Variants in HSD17B12 observed in about 807,000 individuals in gnomAD.
The protein encoded by HSD17B12 is hydroxysteroid 17-beta dehydrogenase 12, also known as very-long-chain 3-oxoacyl-CoA reductase.
Under a neutral mutation model 39.3 loss-of-function variants are expected in HSD17B12, and 32 were observed. The ratio of observed to expected loss-of-function variants is 0.81; its 90% confidence interval spans 0.61 to 1.09. HSD17B12 has a LOEUF of 1.09. HSD17B12 is among the 50% of genes least tolerant of loss of function. The probability of loss-of-function intolerance (pLI) is 0.00; values close to 1 mark genes in which losing one functional copy is unlikely to be tolerated. For synonymous variants in HSD17B12, 150 were observed against 146.7 expected (o/e 1.02, Z -0.16); for missense variants, 342 against 382.9 (o/e 0.89, Z 0.89).
intron 1 of HSD17B12, among the ~76,000 whole-genome samples, chr11:43,738,074 AAAT>A (rs1350401442): frequency 2.6e-5 from 4 of 151,794 alleles, no homozygotes; most frequent in African/African-American, 9.7e-5. Flanking sequence ...AAAAAAAAAA[AAAT>A]AGTGAACTCT....
At chr11:43,664,669 C>T in the HSD17B12 span, among the ~76,000 whole-genome samples, 1,381 of 152,322 alleles carry the variant, frequency 9.1e-3, 24 homozygotes, top group African/African-American at 0.031. Flanking sequence ...GAGCCTGGAA[C>T]TTCCCTTGAA....
At chr11:43,774,956 T>C (rs1239997128) in intron 3 of HSD17B12, among the ~76,000 whole-genome samples, 1 of 152,206 alleles carries the variant, frequency 6.6e-6, no homozygotes, top group Non-Finnish European at 1.5e-5. Context: ...ATCAGTTGAC[T>C]TTGAGTTAGC....
chr11:43,561,386 G>C, the HSD17B12 span, among the ~76,000 whole-genome samples: 100 of 152,164 alleles, frequency 6.6e-4, 1 homozygote, highest in South Asian at 0.016. Flanking sequence ...ATGTTTAAAG[G>C]GTCTAGAGGA....
At chr11:43,716,567 A>G (rs979770512) in intron 1 of HSD17B12, among the ~76,000 whole-genome samples, 3 of 151,944 alleles carry the variant, frequency 2.0e-5, no homozygotes, top group African/African-American at 2.4e-5. Context: ...CTTATTGATC[A>G]CTTACTATTG....
intron 1 of HSD17B12, among the ~76,000 whole-genome samples, chr11:43,727,649 A>G (rs7928422): frequency 0.38 from 57,546 of 151,998 alleles, 11,528 homozygotes; most frequent in East Asian, 0.73. Flanking sequence ...ATAAATTCCC[A>G]TCATAGTACA....
chr11:43,711,810 G>A (rs1950069043), intron 1 of HSD17B12, among the ~76,000 whole-genome samples: 7 of 152,112 alleles, frequency 4.6e-5, no homozygotes, highest in Admixed American at 4.6e-4. Flanking sequence ...AAAATTTTCA[G>A]ACTTTTCAGA....
the HSD17B12 span, among the ~76,000 whole-genome samples, chr11:43,665,352 G>A: frequency 6.6e-6 from 1 of 152,136 alleles, no homozygotes; most frequent in African/African-American, 2.4e-5. Context: ...CTGAGTAGCT[G>A]GGACTGCAGG....
chr11:43,719,233 C>T, intron 1 of HSD17B12: 1 of 598,336 alleles, frequency 1.7e-6, no homozygotes, highest in South Asian at 1.7e-5. Context: ...GCTGGGAGGC[C>T]ATATACAGGC....
chr11:43,830,895 T>C (rs1044248247), intron 6 of HSD17B12, 81 bp from the exon 7 acceptor site: 1 of 1,101,170 alleles, frequency 9.1e-7, no homozygotes, highest in East Asian at 2.4e-5. Context: ...CCCTTCTTTT[T>C]AGTGTGGGTG....
intron 4 of HSD17B12, among the ~76,000 whole-genome samples, chr11:43,811,871 C>T (rs1462355544): frequency 6.6e-6 from 1 of 152,122 alleles, no homozygotes. Flanking sequence ...CCCTCACCCA[C>T]CCACACACAC....
Position 43,854,854 on chromosome 11 carries a change from A to G in HSD17B12, c.824A>G (p.His275Arg). The stretch of plus-strand genomic sequence containing the variant: ...TCCCGAACCAATGGATACCTGATCC[A>G]TGCTCTTATGGTAGGTAGATTTTTT... ...LQSRTNGYLI[H>R]ALMGSIISNL... Residue 275 changes from histidine to arginine, a missense_variant, in exon 10 of 11, where the codon CAT becomes CGT. Transcript: ENST00000278353. The G allele has an allele frequency of 6.2e-7, 1 of 1,614,074 alleles. No individual in the cohort carries two copies.
chr11:43,708,784 G>A (rs1265953197), intron 1 of HSD17B12, among the ~76,000 whole-genome samples: 1 of 152,064 alleles, frequency 6.6e-6, no homozygotes, highest in Non-Finnish European at 1.5e-5. Flanking sequence ...GAGCATATTT[G>A]GCTATTAGCC....
At chr11:43,720,785 T>TGGTA (rs934991804) in intron 1 of HSD17B12, among the ~76,000 whole-genome samples, 18 of 151,718 alleles carry the variant, frequency 1.2e-4, no homozygotes, top group African/African-American at 3.9e-4. Context: ...AGTTAACAAG[T>TGGTA]GGTAGCCTGT....
At chr11:43,707,245 T>C (rs1950024863) in intron 1 of HSD17B12, among the ~76,000 whole-genome samples, 1 of 152,174 alleles carries the variant, frequency 6.6e-6, no homozygotes, top group Non-Finnish European at 1.5e-5. Flanking sequence ...TGAGGAAAGA[T>C]GGACAATAAG....
chr11:43,813,248 A>G (rs1376703804), intron 4 of HSD17B12, among the ~76,000 whole-genome samples: 2 of 152,202 alleles, frequency 1.3e-5, no homozygotes, highest in South Asian at 2.1e-4. Context: ...TGTAAAGATT[A>G]CAAAGTCAAC....
the HSD17B12 span, among the ~76,000 whole-genome samples, chr11:43,619,210 T>TAAA: frequency 5.0e-5 from 2 of 39,760 alleles, no homozygotes; most frequent in African/African-American, 1.6e-4. Context: ...TATATATATA[T>TAAA]ATAAAATATA....
At chr11:43,719,262 C>T (rs984827405) in intron 1 of HSD17B12, 1 of 513,834 alleles carries the variant, frequency 1.9e-6, no homozygotes, top group African/African-American at 1.9e-5. Flanking sequence ...TGTAACAGGG[C>T]TTGGTCAAGA....
chr11:43,638,511 G>C, the HSD17B12 span, among the ~76,000 whole-genome samples: 1 of 152,172 alleles, frequency 6.6e-6, no homozygotes, highest in East Asian at 1.9e-4. Flanking sequence ...TGTAGCTAAT[G>C]TTTAAAAGTT....
intron 3 of HSD17B12, 132 bp from the exon 4 acceptor site, chr11:43,798,188 C>T: frequency 1.6e-6 from 1 of 616,096 alleles, no homozygotes; most frequent in East Asian, 2.9e-5. Context: ...TTAAAATTAT[C>T]CTGGTGTAAA....
Sources: gnomAD v4.1 joint callset for allele counts (sites outside exome capture counted in the v4.1 genomes callset) on GRCh38, gnomAD v4.1.1 for gene constraint, MANE v1.5 for transcripts, NCBI Gene and HGNC (gene_info 2026-07-23, HGNC 2026-07-21) for gene names.